The following OTOA variants were observed in gnomAD, a reference collection of about 807,000 sequenced individuals.
OTOA encodes otoancorin.
In OTOA, 70 loss-of-function variants were observed where a neutral mutation model predicts 110.8. The observed-to-expected ratio is 0.63, with a 90% CI of 0.52 to 0.77. The LOEUF (loss-of-function observed/expected upper bound fraction) is 0.77, where lower values mean the gene tolerates loss of function less well. OTOA is among the 30% of genes least tolerant of loss of function. The pLI is 0.00. For missense variants in OTOA, 917 were observed against 1,075.8 expected (o/e 0.85, Z 2.06); for synonymous variants, 373 against 431.5 (o/e 0.86, Z 1.68).
chr16:21,760,500 G>A lies in OTOA; in HGVS notation c.3380G>A (p.Gly1127Asp), dbSNP rs1001451397. 5 of 1,605,404 alleles carry A rather than the reference G, an allele frequency of 3.1e-6. No homozygotes were observed. The African/African-American group carries it at 6.7e-5, about 22-fold the overall frequency. Reference sequence around the variant, plus strand: ...CTCCAGTCGTGGGGTCTTTGGCTTGGTTGTCCCCTGCTGGTTCTAATGGCC... The same window carrying A: ...CTCCAGTCGTGGGGTCTTTGGCTTGATTGTCCCCTGCTGGTTCTAATGGCC... ...GALQSWGLWL[G>D]CPLLVLMAKL... The change falls in exon 29 of 29, where the codon GGT (glycine) becomes GAT (aspartate). Residue 1127 changes from glycine (G) to aspartate (D), a missense_variant. Transcript: ENST00000646100.
In OTOA at chr16:21,691,593, G is replaced by A. The variant is rs759683702; in HGVS notation, c.645G>A (p.Val215=). ...TGTTTGTGTCATTTAGATCTGCAGTGTTCAAAGATCTCTACGACAAAACCT... is the reference window on the plus strand; with the variant it reads ...TGTTTGTGTCATTTAGATCTGCAGTATTCAAAGATCTCTACGACAAAACCT... The part of the protein sequence containing the change: ...REDAFKNLSA[V]FKDLYDKTSA... The change falls in exon 9 of 29, where the codon GTG becomes GTA. Residue 215 remains valine (V), a synonymous_variant. Transcript: ENST00000646100. The A allele has an allele frequency of 9.9e-5, 160 of 1,613,102 alleles. 1 individual carries two copies. The highest frequency in any genetic ancestry group is 1.3e-4 in the Non-Finnish European group (149 of 1,179,274).
chr16:21,672,859 A>G (rs529198734), intron 1 of OTOA, among the ~76,000 whole-genome samples: 1 of 152,200 alleles, frequency 6.6e-6, no homozygotes, highest in East Asian at 1.9e-4. Context: ...TTAAAAAACA[A>G]TTGTGTGGCC....
At chr16:21,729,724 A>C (rs1367985199) in intron 20 of OTOA, 1 of 152,186 alleles carries the variant, frequency 6.6e-6, no homozygotes, top group Non-Finnish European at 1.5e-5. Context: ...CTTTTCTAGA[A>C]TATCATATAT....
intron 11 of OTOA, among the ~76,000 whole-genome samples, chr16:21,703,561 G>T (rs570851749): frequency 7.2e-5 from 11 of 152,142 alleles, no homozygotes; most frequent in African/African-American, 2.4e-4. Flanking sequence ...CCATGTCTTG[G>T]CTGTTGTGAA....
chr16:21,703,991 G>T (rs1373637648), intron 11 of OTOA, among the ~76,000 whole-genome samples: 1 of 152,092 alleles, frequency 6.6e-6, no homozygotes, highest in Non-Finnish European at 1.5e-5. Flanking sequence ...GTACAGTATG[G>T]GAGTACAGAG....
rs756552743 is a variant in OTOA, at chr16:21,760,556, C to T, written c.*16C>T. On this transcript the variant is annotated 3_prime_UTR_variant, in exon 29 of 29. Transcript: ENST00000646100. Reference sequence around the variant, plus strand: ...CCTGTGGTGAGTGGCCTGAGCGCATCGTCCTGTGTTGCCCCAAGCAGCTGG... The same window carrying T: ...CCTGTGGTGAGTGGCCTGAGCGCATTGTCCTGTGTTGCCCCAAGCAGCTGG... The T allele has an allele frequency of 1.1e-5, 18 of 1,601,852 alleles. No homozygotes were observed. Among genetic ancestry groups the T allele is most frequent in the South Asian group, 9.9e-5 (9 of 90,800 alleles).
At chr16:21,713,209 C>T (rs1387568110) in intron 13 of OTOA, among the ~76,000 whole-genome samples, 2 of 152,194 alleles carry the variant, frequency 1.3e-5, no homozygotes, top group African/African-American at 2.4e-5. Flanking sequence ...AAGCAATCTA[C>T]TCGCCTTGGC....
intron 12 of OTOA, among the ~76,000 whole-genome samples, chr16:21,707,918 T>C (rs1173700105): frequency 6.6e-6 from 1 of 151,274 alleles, no homozygotes; most frequent in Non-Finnish European, 1.5e-5. Context: ...CTCAGCCTCC[T>C]GAGTAGCTGG....
rs372104770 is a variant in OTOA, at chr16:21,719,422, A to C, written c.1724A>C (p.His575Pro). ...CTGGTCAAAGGCGTGACCTGCTCAC[A>C]CATTGATGCCATGAGCACTGACTTC... ...GQLVKGVTCSHIDAMSTDFFL... is the reference protein window; with the variant it reads ...GQLVKGVTCSPIDAMSTDFFL... Residue 575 changes from histidine to proline, a missense_variant, in exon 17 of 29, where the codon CAC becomes CCC. Coordinates refer to ENST00000646100, the MANE Select transcript of OTOA (RefSeq NM_144672.4). 2 of 1,614,042 alleles carry C rather than the reference A, an allele frequency of 1.2e-6. No individual in the cohort carries two copies. The highest frequency in any genetic ancestry group is 1.7e-6 in the Non-Finnish European group (2 of 1,180,026).
intron 20 of OTOA, among the ~76,000 whole-genome samples, chr16:21,729,007 T>A (rs1241859459): frequency 6.6e-6 from 1 of 151,844 alleles, no homozygotes; most frequent in Non-Finnish European, 1.5e-5. Flanking sequence ...CCTTTACAGA[T>A]GCAAGGTAGT....
At chr16:21,679,521 C>A (rs1280338624) in intron 5 of OTOA, among the ~76,000 whole-genome samples, 1 of 152,124 alleles carries the variant, frequency 6.6e-6, no homozygotes, top group Admixed American at 6.6e-5. Flanking sequence ...TTTCCTGCCT[C>A]AGCCTCCTGA....
At chr16:21,684,765 A>ATTT (rs10597623) in intron 6 of OTOA, among the ~76,000 whole-genome samples, 22 of 33,826 alleles carry the variant, frequency 6.5e-4, no homozygotes, top group African/African-American at 1.6e-3. Flanking sequence ...TATTATTATT[A>ATTT]TTTTTTAGGT....
chr16:21,708,219 G>T (rs536209470), intron 12 of OTOA, among the ~76,000 whole-genome samples: 5 of 152,188 alleles, frequency 3.3e-5, no homozygotes, highest in African/African-American at 1.2e-4. Context: ...TGGGGGTGAT[G>T]AGAGACAGTG....
rs995122159 is a variant in OTOA, at chr16:21,681,974, A to C, written c.267+149A>C. On this transcript the variant is annotated intron_variant, in intron 6 of 28. Transcript: ENST00000646100. ...GGTTCTGTCCAGTTTTTCTTGAAACATGATATAAGCTATTTTGTCTTTCTT... is the reference window on the plus strand; with the variant it reads ...GGTTCTGTCCAGTTTTTCTTGAAACCTGATATAAGCTATTTTGTCTTTCTT... 2.6e-5 allele frequency: 19 copies of C among 727,146 alleles called. No homozygotes were observed. The African/African-American group carries it at 3.3e-4, about 13-fold the overall frequency. The allele number at this position is 727,146 out of a possible 1,614,324, so 45.0% of individuals were successfully genotyped here.
At chr16:21,749,465 G>T (rs1328127079) in intron 24 of OTOA, among the ~76,000 whole-genome samples, 1 of 145,850 alleles carries the variant, frequency 6.9e-6, no homozygotes, top group East Asian at 2.3e-4. Context: ...GGGGATGGAG[G>T]TTGCAGTAAG....
rs913635399 is a variant in OTOA, at chr16:21,664,246, G to C, written c.-5+14G>C. The stretch of plus-strand genomic sequence containing the variant: ...CGGGCTCCGCAGGTGAGGCGCGCGC[G>C]GGGGCCTGGGCGGAGGACTCACGGG... On this transcript the variant is annotated intron_variant, in intron 1 of 28. Transcript: ENST00000646100. The C allele has an allele frequency of 2.6e-5, 4 of 152,244 alleles. No individual in the cohort carries two copies. Among genetic ancestry groups the C allele is most frequent in the Non-Finnish European group, 2.9e-5 (2 of 68,120 alleles). The allele number at this position is 152,244 out of a possible 1,614,324, so 9.4% of individuals were successfully genotyped here.
At chr16:21,696,391 G>A (rs964757444) in intron 9 of OTOA, among the ~76,000 whole-genome samples, 4 of 152,114 alleles carry the variant, frequency 2.6e-5, no homozygotes, top group Non-Finnish European at 5.9e-5. Context: ...AAGGGGTAAG[G>A]AAAAGCATTG....
In OTOA at chr16:21,726,657, T is replaced by C. The variant is rs1192800722; in HGVS notation, c.2015T>C (p.Leu672Pro). 1 of 1,614,036 alleles carries C rather than the reference T, an allele frequency of 6.2e-7. No individual in the cohort carries two copies. Residue 672 changes from leucine (L) to proline (P), a missense_variant and splice_region_variant, in exon 19 of 29, where the codon CTG (leucine) becomes CCG (proline). By Grantham distance (98) the Leu-to-Pro change is moderately conservative. Coordinates refer to ENST00000646100, the MANE Select transcript of OTOA (RefSeq NM_144672.4). Reference protein sequence around the residue: ...TSVLRKVQQCLDDSIADEYTV... With the variant: ...TSVLRKVQQCPDDSIADEYTV... The stretch of plus-strand genomic sequence containing the variant: ...GTCCTCAGGAAAGTGCAGCAGTGCC[T>C]GGTAAGAAAACTCTTCCTGGGTGTC...
At chr16:21,688,532 AC>A in intron 8 of OTOA, among the ~76,000 whole-genome samples, 1 of 152,300 alleles carries the variant, frequency 6.6e-6, no homozygotes, top group East Asian at 1.9e-4. Flanking sequence ...TAACAAAAAT[AC>A]CATAGACTGT....
Sources: gnomAD v4.1 joint callset for allele counts (sites outside exome capture counted in the v4.1 genomes callset) on GRCh38, gnomAD v4.1.1 for gene constraint, MANE v1.5 for transcripts, NCBI Gene and HGNC (gene_info 2026-07-23, HGNC 2026-07-21) for gene names.